The following PRKN variants were observed in gnomAD, a reference collection of about 807,000 sequenced individuals.
PRKN encodes E3 ubiquitin-protein ligase parkin.
PRKN carries 56 observed loss-of-function variants against 59.5 expected under a neutral mutation model. The ratio of observed to expected loss-of-function variants is 0.94; its 90% CI spans 0.76 to 1.18. The LOEUF (loss-of-function observed/expected upper bound fraction) is 1.18, where lower values mean the gene tolerates loss of function less well. Ranked by LOEUF, PRKN falls within the 50% of genes most tolerant of loss-of-function variation. The pLI, the probability that PRKN is intolerant of heterozygous loss-of-function variation, is 0.00. For synonymous variants in PRKN, 250 were observed against 222.1 expected (o/e 1.13, Z -1.12); for missense variants, 657 against 596.4 (o/e 1.10, Z -1.06).
At chr6:161,850,323 T>A (rs1459341907) in intron 6 of PRKN, among the ~76,000 whole-genome samples, 1 of 152,142 alleles carries the variant, frequency 6.6e-6, no homozygotes, top group African/African-American at 2.4e-5. Context: ...CTGACGCCTA[T>A]AATCCCAGCA....
intron 7 of PRKN, among the ~76,000 whole-genome samples, chr6:161,602,639 T>G (rs898200833): frequency 6.6e-6 from 1 of 152,224 alleles, no homozygotes; most frequent in African/African-American, 2.4e-5. Context: ...ATCAGCCATC[T>G]CCAGCATCAA....
At chr6:161,905,683 G>T (rs928523670) in intron 6 of PRKN, among the ~76,000 whole-genome samples, 1 of 151,662 alleles carries the variant, frequency 6.6e-6, no homozygotes, top group South Asian at 2.1e-4. Flanking sequence ...ATTTTCGGCC[G>T]GGTGTGGTGG....
At chr6:161,918,499 A>G (rs1778660550) in intron 6 of PRKN, among the ~76,000 whole-genome samples, 1 of 152,202 alleles carries the variant, frequency 6.6e-6, no homozygotes, top group African/African-American at 2.4e-5. Flanking sequence ...GATTGAGCCA[A>G]ATGGGAGGAC....
chr6:161,719,143 C>T (rs976438382), intron 7 of PRKN, among the ~76,000 whole-genome samples: 4 of 151,326 alleles, frequency 2.6e-5, no homozygotes, highest in Non-Finnish European at 2.9e-5. Context: ...CATCGCCTAG[C>T]GAAGGGTACG....
At chr6:161,350,622 ATTTT>A (rs1408018442) in intron 11 of PRKN, among the ~76,000 whole-genome samples, 14 of 122,318 alleles carry the variant, frequency 1.1e-4, no homozygotes, top group Admixed American at 3.1e-4. Context: ...AAATATATAT[ATTTT>A]TATATATTTA....
intron 7 of PRKN, among the ~76,000 whole-genome samples, chr6:161,732,091 A>AT (rs397888692): frequency 0.087 from 12,405 of 142,080 alleles, 1,397 homozygotes; most frequent in African/African-American, 0.26. Flanking sequence ...TTCTTGTTCT[A>AT]TTTTTTTTTT....
chr6:161,401,161 T>A lies in PRKN; in HGVS notation c.1084-14284A>T, dbSNP rs1787033907. 6.6e-6 allele frequency among the ~76,000 whole-genome samples: 1 copy of A among 152,138 alleles called. No homozygotes were observed. The highest frequency in any genetic ancestry group is 2.1e-4 in the South Asian group (1 of 4,828). On this transcript the variant is annotated intron_variant, in intron 9 of 11. Transcript: ENST00000366898. The surrounding 1 kb of genome is among the most constrained non-coding windows in gnomAD (Gnocchi z 4.4). ...AGAAGGTTGGCTCAAAGACACCTGT[T>A]TTTGCATGTAAAGTATCAGGCTGGA...
intron 1 of PRKN, among the ~76,000 whole-genome samples, chr6:162,475,781 G>A (rs1388947553): frequency 2.0e-5 from 3 of 152,180 alleles, no homozygotes; most frequent in African/African-American, 4.8e-5. Context: ...ACGGAGTCTC[G>A]CTTTGTCGCA....
intron 4 of PRKN, among the ~76,000 whole-genome samples, chr6:162,157,576 T>A (rs1400422411): frequency 6.6e-6 from 1 of 150,840 alleles, no homozygotes; most frequent in Non-Finnish European, 1.5e-5. Flanking sequence ...TAAAAGGCAC[T>A]CTAAAGGAAA....
chr6:162,559,575 A>G (rs181776541), intron 1 of PRKN, among the ~76,000 whole-genome samples: 1 of 152,320 alleles, frequency 6.6e-6, no homozygotes, highest in African/African-American at 2.4e-5. Flanking sequence ...CAGCTGAGGC[A>G]TTTATCTTGT....
At chr6:162,351,893 T>G (rs1784642594) in intron 2 of PRKN, among the ~76,000 whole-genome samples, 1 of 152,036 alleles carries the variant, frequency 6.6e-6, no homozygotes, top group Non-Finnish European at 1.5e-5. Context: ...CTGCTAGAGT[T>G]TTTTTCCTGT....
intron 6 of PRKN, among the ~76,000 whole-genome samples, chr6:161,921,986 A>G (rs1466068239): frequency 6.6e-6 from 1 of 152,208 alleles, no homozygotes; most frequent in Non-Finnish European, 1.5e-5. Flanking sequence ...GTCAGCCTCA[A>G]TTGGTTAAAT....
chr6:161,517,492 G>C (rs556049725), intron 9 of PRKN, among the ~76,000 whole-genome samples: 22 of 152,120 alleles, frequency 1.4e-4, no homozygotes, highest in African/African-American at 5.1e-4. Context: ...TGTAATCCCA[G>C]CACTTTGGGA....
At chr6:161,987,739 AT>A (rs1412462121) in intron 5 of PRKN, among the ~76,000 whole-genome samples, 1 of 152,238 alleles carries the variant, frequency 6.6e-6, no homozygotes, top group African/African-American at 2.4e-5. Flanking sequence ...TGACTGAAAA[AT>A]TTCGGAGTCC....
rs1285184732 is a variant in PRKN, at chr6:161,483,076, T to C, written c.1083+65778A>G. 1.3e-5 allele frequency among the ~76,000 whole-genome samples: 2 copies of C among 151,952 alleles called. No homozygotes were observed. The highest frequency in any genetic ancestry group is 4.8e-5 in the African/African-American group (2 of 41,336). On this transcript the variant is annotated intron_variant, in intron 9 of 11. Transcript: ENST00000366898. The surrounding 1 kb of genome is among the most constrained non-coding windows in gnomAD (Gnocchi z 5.0). ...GAGTGAATTTGGTTTTGTAAAAGTA[T>C]GCTAGGGAGAAGATGCAAGGGACTT...
intron 1 of PRKN, among the ~76,000 whole-genome samples, chr6:162,684,147 T>C (rs1009472959): frequency 2.0e-5 from 3 of 152,140 alleles, no homozygotes; most frequent in Non-Finnish European, 4.4e-5. Flanking sequence ...TTTAAATTAA[T>C]AGGCTGTCTT....
chr6:162,240,655 T>C (rs1778947021), intron 3 of PRKN, among the ~76,000 whole-genome samples: 1 of 152,216 alleles, frequency 6.6e-6, no homozygotes, highest in Non-Finnish European at 1.5e-5. Context: ...TACCTCCTTA[T>C]TCACAGCAAG....
intron 5 of PRKN, among the ~76,000 whole-genome samples, chr6:162,032,539 C>A (rs1037899268): frequency 6.6e-6 from 1 of 152,112 alleles, no homozygotes; most frequent in African/African-American, 2.4e-5. Flanking sequence ...AAAATAATTT[C>A]ATGTTTACTA....
chr6:162,252,505 T>C (rs750796832), intron 3 of PRKN, among the ~76,000 whole-genome samples: 6 of 152,208 alleles, frequency 3.9e-5, no homozygotes, highest in Non-Finnish European at 5.9e-5. Context: ...TGAAACCTAA[T>C]CACCAATGTG....
Sources: allele counts gnomAD v4.1 joint callset (sites outside exome capture counted in the v4.1 genomes callset), GRCh38; gene constraint gnomAD v4.1.1; non-coding constraint Gnocchi (gnomAD v3.1); transcripts MANE v1.5; gene names NCBI Gene and HGNC (gene_info 2026-07-23, HGNC 2026-07-21).